The following BAALC variants were observed in gnomAD, a reference collection of about 807,000 sequenced individuals.
BAALC encodes the protein brain and acute leukemia cytoplasmic protein.
A neutral mutation model predicts 15.5 loss-of-function variants in BAALC; 9 were observed. The observed-to-expected ratio is 0.58, with a 90% confidence interval of 0.35 to 1.02. The LOEUF is 1.02. Ranked by LOEUF, BAALC falls within the 50% of genes least tolerant of loss-of-function variation. The pLI, the probability that BAALC is intolerant of heterozygous loss-of-function variation, is 0.02. For missense variants in BAALC, 201 were observed against 192.4 expected (o/e 1.04, Z -0.27); for synonymous variants, 80 against 74.6 (o/e 1.07, Z -0.37).
At chr8:103,224,739 A>G (rs1812766373) in intron 2 of BAALC, among the ~76,000 whole-genome samples, 1 of 152,232 alleles carries the variant, frequency 6.6e-6, no homozygotes, top group Non-Finnish European at 1.5e-5. Flanking sequence ...GATTTTTCCC[A>G]CAAGGGGTGG....
At chr8:103,156,878 C>T (rs1180083361) in intron 1 of BAALC, 1 of 152,192 alleles carries the variant, frequency 6.6e-6, no homozygotes, top group Non-Finnish European at 1.5e-5. Flanking sequence ...CAGAAAATAC[C>T]CAATGATCTT....
chr8:103,142,145 C>T (rs562056466), intron 1 of BAALC, among the ~76,000 whole-genome samples: 1 of 152,166 alleles, frequency 6.6e-6, no homozygotes, highest in Non-Finnish European at 1.5e-5. Flanking sequence ...TAATGTATAA[C>T]ATATGGAAGA....
intron 1 of BAALC, among the ~76,000 whole-genome samples, chr8:103,146,561 G>A (rs1250084948): frequency 6.6e-6 from 1 of 152,212 alleles, no homozygotes; most frequent in Non-Finnish European, 1.5e-5. Context: ...ACCTAACGCT[G>A]TTCTGGCTAC....
At chr8:103,225,423 C>T (rs981524964) in intron 2 of BAALC, among the ~76,000 whole-genome samples, 7 of 152,136 alleles carry the variant, frequency 4.6e-5, no homozygotes, top group Admixed American at 1.3e-4. Flanking sequence ...GTTCCCTAAA[C>T]GCAGAACCTG....
At chr8:103,184,403 C>T (rs989203460) in intron 1 of BAALC, among the ~76,000 whole-genome samples, 1 of 152,210 alleles carries the variant, frequency 6.6e-6, no homozygotes, top group Non-Finnish European at 1.5e-5. Context: ...CAGAGAGCTT[C>T]AGGGGATGAG....
Position 103,228,116 on chromosome 8 carries a change from A to G in BAALC, c.*17A>G. 1 of 1,527,522 alleles carries G rather than the reference A, an allele frequency of 6.5e-7. No homozygotes were observed. The highest frequency in any genetic ancestry group is 9.1e-7 in the Non-Finnish European group (1 of 1,102,466). 94.6% of individuals were successfully genotyped at this position (1,527,522 alleles called of 1,614,324 possible). A position where few individuals can be genotyped will look rare whatever the true frequency, so the allele number is the denominator to read the frequency against. On this transcript the variant is annotated 3_prime_UTR_variant, in exon 3 of 3. Transcript: ENST00000309982. The stretch of plus-strand genomic sequence containing the variant: ...GTCAACTAGCAGAGAGTCCAAGCAG[A>G]AGGGCAGATGGACTTCTTCAGTGTC...
intron 1 of BAALC, among the ~76,000 whole-genome samples, chr8:103,206,938 C>G (rs891497914): frequency 2.0e-5 from 3 of 152,200 alleles, no homozygotes; most frequent in African/African-American, 7.2e-5. Flanking sequence ...TCCCCACCAA[C>G]AGGTATTTTT....
At chr8:103,189,508 G>A (rs147117972) in intron 1 of BAALC, among the ~76,000 whole-genome samples, 8 of 151,294 alleles carry the variant, frequency 5.3e-5, no homozygotes, top group Admixed American at 4.6e-4. Context: ...AGCCCAGCTG[G>A]GGGGAGAAAA....
chr8:103,193,918 T>C (rs1812032143), intron 1 of BAALC, among the ~76,000 whole-genome samples: 1 of 152,158 alleles, frequency 6.6e-6, no homozygotes, highest in African/African-American at 2.4e-5. Context: ...TGAATTTAAG[T>C]CATCAATGCA....
intron 1 of BAALC, chr8:103,198,072 T>A: frequency 1.4e-6 from 1 of 693,586 alleles, no homozygotes; most frequent in Non-Finnish European, 2.6e-6. Flanking sequence ...ACAACTATAA[T>A]TTTTTTCCAT....
At chr8:103,169,905 C>T (rs976907332) in intron 1 of BAALC, among the ~76,000 whole-genome samples, 2 of 152,284 alleles carry the variant, frequency 1.3e-5, no homozygotes, top group Middle Eastern at 3.4e-3. Flanking sequence ...CAGTTTTCCA[C>T]AAATGCTTTC....
chr8:103,178,245 T>C (rs569012010), intron 1 of BAALC, among the ~76,000 whole-genome samples: 1 of 152,270 alleles, frequency 6.6e-6, no homozygotes, highest in East Asian at 1.9e-4. Flanking sequence ...CAAAAGAGAA[T>C]ATGAGAATGT....
At chr8:103,144,530 G>A (rs1212788063) in intron 1 of BAALC, among the ~76,000 whole-genome samples, 1 of 152,022 alleles carries the variant, frequency 6.6e-6, no homozygotes, top group African/African-American at 2.4e-5. Flanking sequence ...GCCTGGTGGG[G>A]GTCTCCAAGG....
chr8:103,174,028 G>C (rs564194959), intron 1 of BAALC, among the ~76,000 whole-genome samples: 134 of 152,290 alleles, frequency 8.8e-4, no homozygotes, highest in African/African-American at 3.2e-3. Context: ...GGTTGTCCTT[G>C]TAGAGAAACT....
At chr8:103,209,063 C>T (rs758694150) in intron 1 of BAALC, among the ~76,000 whole-genome samples, 54 of 152,254 alleles carry the variant, frequency 3.5e-4, no homozygotes, top group Non-Finnish European at 5.0e-4. Flanking sequence ...CAAGTCATGA[C>T]GCACATAGAA....
intron 1 of BAALC, among the ~76,000 whole-genome samples, chr8:103,142,613 T>A (rs374052249): frequency 2.0e-5 from 3 of 151,828 alleles, no homozygotes; most frequent in African/African-American, 7.3e-5. Context: ...ATGAAAAAAA[T>A]AATAATAAAA....
intron 1 of BAALC, among the ~76,000 whole-genome samples, chr8:103,160,262 G>A (rs570768795): frequency 1.2e-4 from 19 of 152,172 alleles, no homozygotes; most frequent in African/African-American, 1.9e-4. Context: ...CTCAAAGGCC[G>A]CATTACAGAA....
intron 2 of BAALC, among the ~76,000 whole-genome samples, chr8:103,214,152 G>C (rs1003443204): frequency 6.6e-6 from 1 of 152,168 alleles, no homozygotes; most frequent in Non-Finnish European, 1.5e-5. Flanking sequence ...GGCTGTGTTT[G>C]CATGATCTTC....
At chr8:103,214,603 G>T (rs1812518694) in intron 2 of BAALC, among the ~76,000 whole-genome samples, 8 of 152,160 alleles carry the variant, frequency 5.3e-5, no homozygotes, top group Admixed American at 4.6e-4. Flanking sequence ...AAAACCTGTT[G>T]CAAATTCATC....
Sources: allele counts gnomAD v4.1 joint callset (sites outside exome capture counted in the v4.1 genomes callset), GRCh38; gene constraint gnomAD v4.1.1; transcripts MANE v1.5; gene names NCBI Gene and HGNC (gene_info 2026-07-23, HGNC 2026-07-21).